ATG12: variants seen among roughly 807,000 people sequenced by gnomAD.
ATG12 encodes autophagy related 12, also known as ubiquitin-like protein ATG12.
A neutral mutation model predicts 17.6 loss-of-function variants in ATG12; 19 were observed. The observed-to-expected ratio is 1.08, with a 90% confidence interval of 0.75 to 1.58. The LOEUF (loss-of-function observed/expected upper bound fraction) is 1.58, where lower values mean the gene tolerates loss of function less well. ATG12 is among the 40% of genes most tolerant of loss of function. The pLI is 0.00. For synonymous variants in ATG12, 75 were observed against 62.4 expected, an observed-to-expected ratio of 1.20 and a Z score of -0.95; for missense variants, 214 against 162.0, an observed-to-expected ratio of 1.32 and a Z score of -1.74.
rs1044654448 is a variant in ATG12, at chr5:115,830,342, G to A, written c.*1462C>T. ...CTGAACCCTCAGTGGCAAACAATAC[G>A]AAAATTCAACATATTTTTATTTGTT... is the stretch of plus-strand genomic sequence containing the variant. On this transcript the variant is annotated 3_prime_UTR_variant, in exon 4 of 4. Transcript: ENST00000509910. 2.0e-5 allele frequency: 3 copies of A among 151,854 alleles called. No individual in the cohort carries two copies. The highest frequency in any genetic ancestry group is 7.3e-5 in the African/African-American group (3 of 41,318). 9.4% of individuals were successfully genotyped at this position (151,854 alleles called of 1,614,324 possible). A position where few individuals can be genotyped will look rare whatever the true frequency, so the allele number is the denominator to read the frequency against.
intron 2 of ATG12, among the ~76,000 whole-genome samples, chr5:115,836,783 T>C (rs922215060): frequency 1.3e-5 from 2 of 152,220 alleles, no homozygotes; most frequent in African/African-American, 4.8e-5. Flanking sequence ...CATATAATTA[T>C]GTATATATAA....
At chr5:115,831,979 T>C in intron 3 of ATG12, 116 bp from the exon 4 acceptor site, 1 of 895,662 alleles carries the variant, frequency 1.1e-6, no homozygotes. Flanking sequence ...AAGTTACCTA[T>C]GTTACAGGCT....
In ATG12 at chr5:115,829,367, G is replaced by A. The variant is rs978628932; in HGVS notation, c.*2437C>T. 3 of 152,148 alleles carry A rather than the reference G, an allele frequency of 2.0e-5. No homozygotes were observed. Among genetic ancestry groups the A allele is most frequent in the African/African-American group, 7.2e-5 (3 of 41,430 alleles). 9.4% of individuals were successfully genotyped at this position (152,148 alleles called of 1,614,324 possible). On this transcript the variant is annotated 3_prime_UTR_variant, in exon 4 of 4. Transcript: ENST00000509910. ...GTACTTCGTTCTAGTAGATATTTAAGGTCCCTTTAGGACTGAAACTTACAG... is the reference window on the plus strand; with the variant it reads ...GTACTTCGTTCTAGTAGATATTTAAAGTCCCTTTAGGACTGAAACTTACAG...
At chr5:115,832,891 C>G (rs946837393) in intron 2 of ATG12, 1 of 393,346 alleles carries the variant, frequency 2.5e-6, no homozygotes, top group African/African-American at 2.1e-5. Context: ...AACAGTGGTT[C>G]CTAACTTTGT....
chr5:115,834,491 C>T (rs574493534), intron 2 of ATG12: 8 of 152,272 alleles, frequency 5.3e-5, no homozygotes, highest in African/African-American at 1.9e-4. Context: ...ACTGCAAGAA[C>T]TTGGGCAGAC....
chr5:115,838,255 G>A (rs116188563), intron 1 of ATG12: 2,763 of 152,302 alleles, frequency 0.018, 87 homozygotes, highest in African/African-American at 0.06. Context: ...GAAAATATGA[G>A]ATGTGTGAAA....
At chr5:115,841,333 C>G (rs1370419369) in intron 1 of ATG12, 57 bp downstream of exon 1, 3 of 1,604,656 alleles carry the variant, frequency 1.9e-6, no homozygotes, top group Non-Finnish European at 2.5e-6. Context: ...GGCCGCCACC[C>G]CTACTCGGAT....
At chr5:115,841,361 C>T in intron 1 of ATG12, 29 bp downstream of exon 1, 1 of 1,609,672 alleles carries the variant, frequency 6.2e-7, no homozygotes, top group South Asian at 1.1e-5. Flanking sequence ...GAACCTCCCG[C>T]CTCTCTGCCC....
In ATG12 at chr5:115,832,594, TTTTTTA is replaced by T; in HGVS notation, c.363+2_363+7del. 3.5e-6 allele frequency: 5 copies of T among 1,420,224 alleles called. No individual in the cohort carries two copies. The highest frequency in any genetic ancestry group is 1.4e-5 in the South Asian group (1 of 69,802). 88.0% of individuals were successfully genotyped at this position (1,420,224 alleles called of 1,614,324 possible). ...TTCTTTTTTTTTTTTTTTTTTTTTTTTTTTTACCTCATAGAGAGTTCCAACTTCTTG... is the reference window on the plus strand; with the variant it reads ...TTCTTTTTTTTTTTTTTTTTTTTTTTCCTCATAGAGAGTTCCAACTTCTTG... On this transcript the variant is annotated splice_donor_variant and splice_donor_5th_base_variant and intron_variant, in intron 3 of 3. Transcript: ENST00000509910. LOFTEE classifies it high-confidence loss of function.
chr5:115,841,259 C>G (rs1761452569), intron 1 of ATG12, 131 bp downstream of exon 1: 1 of 1,225,078 alleles, frequency 8.2e-7, no homozygotes, highest in East Asian at 2.5e-5. Context: ...CACTTCTTTT[C>G]TTCTGATGAC....
At chr5:115,837,792 C>A in intron 1 of ATG12, 28 bp from the exon 2 acceptor site, 1 of 1,563,950 alleles carries the variant, frequency 6.4e-7, no homozygotes, top group Non-Finnish European at 8.6e-7. Flanking sequence ...AATTTACTGA[C>A]AATTACACTG....
chr5:115,841,478 G>C lies in ATG12; in HGVS notation c.75C>G (p.Val25=), dbSNP rs970478731. The change falls in exon 1 of 4, where the codon GTC becomes GTG. Residue 25 remains valine (V), a synonymous_variant. Transcript: ENST00000509910. Reference sequence around the variant, plus strand: ...GCTCCGGGGTGGTTGTTTCTGGGGAGACATCCGTAAGTCCTTCCCCTCCAG... The same window carrying C: ...GCTCCGGGGTGGTTGTTTCTGGGGACACATCCGTAAGTCCTTCCCCTCCAG... ...IAAGGEGLTD[V]SPETTTPEPP... 7 of 1,611,506 alleles carry C rather than the reference G, an allele frequency of 4.3e-6. No individual in the cohort carries two copies. The highest frequency in any genetic ancestry group is 5.9e-6 in the Non-Finnish European group (7 of 1,179,346).
intron 2 of ATG12, chr5:115,834,393 G>A (rs952916708): frequency 2.6e-5 from 4 of 152,270 alleles, no homozygotes; most frequent in African/African-American, 9.6e-5. Flanking sequence ...CTGCAGAATC[G>A]CTAAGTGGCG....
At chr5:115,841,220 A>C in intron 1 of ATG12, 170 bp downstream of exon 1, 1 of 818,510 alleles carries the variant, frequency 1.2e-6, no homozygotes, top group East Asian at 2.7e-5. Flanking sequence ...TTTAACACTC[A>C]ACTTAAAGGC....
chr5:115,830,167 A>T lies in ATG12; in HGVS notation c.*1637T>A, dbSNP rs1006473845. 1.3e-5 allele frequency: 2 copies of T among 151,090 alleles called. No individual in the cohort carries two copies. Among genetic ancestry groups the T allele is most frequent in the Non-Finnish European group, 2.9e-5 (2 of 67,840 alleles). The allele number at this position is 151,090 out of a possible 1,614,324, so 9.4% of individuals were successfully genotyped here. ...AAGTGCAAAGTCCTATGTATTCTTC[A>T]GAGTTGTTAGGAAAGAAAACAAATA... On this transcript the variant is annotated 3_prime_UTR_variant, in exon 4 of 4. Transcript: ENST00000509910.
chr5:115,835,446 T>C (rs769729651), intron 2 of ATG12, among the ~76,000 whole-genome samples: 1 of 152,200 alleles, frequency 6.6e-6, no homozygotes, highest in Admixed American at 6.5e-5. Flanking sequence ...TTCAAAACGA[T>C]GGAGGCCTGC....
chr5:115,840,979 G>A (rs1309348933), intron 1 of ATG12: 1 of 947,690 alleles, frequency 1.1e-6, no homozygotes, highest in Non-Finnish European at 1.5e-6. Flanking sequence ...TGGAAGGCAT[G>A]AATTCTAATC....
rs1427141720 is a variant in ATG12 at position 115,829,272 on chromosome 5, C to G, written c.*2532G>C. 1 of 152,166 alleles carries G rather than the reference C, an allele frequency of 6.6e-6. No homozygotes were observed. Among genetic ancestry groups the G allele is most frequent in the Non-Finnish European group, 1.5e-5 (1 of 68,012 alleles). The allele number at this position is 152,166 out of a possible 1,614,324, so 9.4% of individuals were successfully genotyped here. Reference sequence around the variant, plus strand: ...TTTTTATTTTCACACTCCTTCAACACCTAAGGCTTTCTCACTTTGTGTTAC... The same window carrying G: ...TTTTTATTTTCACACTCCTTCAACAGCTAAGGCTTTCTCACTTTGTGTTAC... On this transcript the variant is annotated 3_prime_UTR_variant, in exon 4 of 4. Coordinates refer to ENST00000509910, the MANE Select transcript of ATG12 (RefSeq NM_004707.4).
intron 2 of ATG12, chr5:115,833,902 T>C (rs1216390347): frequency 6.6e-6 from 1 of 152,220 alleles, no homozygotes; most frequent in African/African-American, 2.4e-5. Flanking sequence ...CAGCTTAGTT[T>C]ATCAGTGTCT....
Sources: gnomAD v4.1 joint callset for allele counts (sites outside exome capture counted in the v4.1 genomes callset) on GRCh38, gnomAD v4.1.1 for gene constraint, MANE v1.5 for transcripts, NCBI Gene and HGNC (gene_info 2026-07-23, HGNC 2026-07-21) for gene names.